The following B3GALT1 variants were observed in gnomAD, a reference collection of about 807,000 sequenced individuals.
B3GALT1 encodes the protein beta-1,3-galactosyltransferase 1.
Under a neutral mutation model 23.2 loss-of-function variants are expected in B3GALT1, and 10 were observed. The observed-to-expected ratio is 0.43, with a 90% CI of 0.27 to 0.73. B3GALT1 has a LOEUF of 0.73. Among genes scored for constraint, B3GALT1 ranks in the 30% least tolerant of loss-of-function variants. The pLI is 0.21. For missense variants in B3GALT1, 299 were observed against 405.4 expected (o/e 0.74, Z 2.25); for synonymous variants, 156 against 141.5 (o/e 1.10, Z -0.73).
At chr2:167,575,860 T>C (rs1227766021) in intron 2 of B3GALT1, among the ~76,000 whole-genome samples, 1 of 151,758 alleles carries the variant, frequency 6.6e-6, no homozygotes, top group Non-Finnish European at 1.5e-5. Context: ...CTTCCCCAAA[T>C]GTTTTCAAAA....
At chr2:167,418,720 C>T (rs1237305034) in intron 1 of B3GALT1, among the ~76,000 whole-genome samples, 3 of 150,494 alleles carry the variant, frequency 2.0e-5, no homozygotes, top group African/African-American at 7.3e-5. Context: ...TCTTGTCGCC[C>T]AGGCTGGGGT....
intron 1 of B3GALT1, among the ~76,000 whole-genome samples, chr2:167,469,178 G>A (rs1699389254): frequency 6.6e-6 from 1 of 152,164 alleles, no homozygotes; most frequent in Admixed American, 6.5e-5. Context: ...TGGTGTGGTG[G>A]TTAAAATTAT....
At chr2:167,681,576 A>G (rs1461272518) in intron 3 of B3GALT1, among the ~76,000 whole-genome samples, 3 of 152,208 alleles carry the variant, frequency 2.0e-5, no homozygotes, top group Non-Finnish European at 4.4e-5. Flanking sequence ...TAGCAAGAAG[A>G]CAACTGATTT....
At chr2:167,482,696 C>T (rs369373433) in intron 1 of B3GALT1, among the ~76,000 whole-genome samples, 5 of 152,074 alleles carry the variant, frequency 3.3e-5, no homozygotes, top group African/African-American at 4.8e-5. Context: ...AAAAATTAGC[C>T]GGGCATGGTG....
intron 2 of B3GALT1, among the ~76,000 whole-genome samples, chr2:167,639,243 T>A (rs1329715810): frequency 2.6e-5 from 4 of 152,028 alleles, no homozygotes; most frequent in Non-Finnish European, 5.9e-5. Context: ...GTGTAAGCTA[T>A]GATGGATCAT....
intron 2 of B3GALT1, among the ~76,000 whole-genome samples, chr2:167,523,512 G>A (rs557380345): frequency 2.0e-5 from 3 of 150,976 alleles, no homozygotes; most frequent in Admixed American, 6.6e-5. Context: ...TGCAACTTCC[G>A]CGTCCCACGT....
intron 4 of B3GALT1, among the ~76,000 whole-genome samples, chr2:167,827,826 C>T (rs1409238729): frequency 6.6e-6 from 1 of 152,142 alleles, no homozygotes; most frequent in Non-Finnish European, 1.5e-5. Context: ...TCCCAGTGTG[C>T]TTTTCTGGGA....
intron 1 of B3GALT1, among the ~76,000 whole-genome samples, chr2:167,452,323 A>T (rs1699104247): frequency 6.6e-6 from 1 of 152,040 alleles, no homozygotes; most frequent in Non-Finnish European, 1.5e-5. Flanking sequence ...CCTCTGTGGG[A>T]CAGTCAGAAA....
intron 3 of B3GALT1, among the ~76,000 whole-genome samples, chr2:167,718,962 ATAGG>A (rs1304860757): frequency 1.3e-5 from 2 of 152,178 alleles, no homozygotes; most frequent in Admixed American, 6.5e-5. Flanking sequence ...AATGCTGTTA[ATAGG>A]TAGATAGGAA....
intron 3 of B3GALT1, among the ~76,000 whole-genome samples, chr2:167,757,922 C>T (rs1236465087): frequency 6.6e-6 from 1 of 152,146 alleles, no homozygotes; most frequent in East Asian, 1.9e-4. Flanking sequence ...TGTTGTAACT[C>T]ATTTGCTATT....
chr2:167,777,729 T>A (rs1688184339), intron 3 of B3GALT1, among the ~76,000 whole-genome samples: 1 of 152,238 alleles, frequency 6.6e-6, no homozygotes. Flanking sequence ...GTTTCTCAAT[T>A]ACAACGTGAC....
Position 167,384,197 on chromosome 2 carries a change from T to C in B3GALT1, c.-511+90863T>C, listed in dbSNP as rs148722524. ...ATGTATTAGAAGAGTTTGAAAACTA[T>C]ATTTAAATACCACACAGTGTTAGCT... is the stretch of plus-strand genomic sequence containing the variant. On this transcript the variant is annotated intron_variant, in intron 1 of 4. Transcript: ENST00000392690. Among the ~76,000 whole-genome samples the C allele has an allele frequency of 1.2e-3, 176 of 152,300 alleles. 1 individual carries two copies. In the East Asian group the frequency reaches 0.018, roughly 16 times the overall value.
chr2:167,294,464 T>G (rs1208912473), intron 1 of B3GALT1, among the ~76,000 whole-genome samples: 1 of 152,258 alleles, frequency 6.6e-6, no homozygotes, highest in East Asian at 1.9e-4. Flanking sequence ...TTTGCGCTGC[T>G]GCAAATGGAT....
intron 1 of B3GALT1, among the ~76,000 whole-genome samples, chr2:167,380,323 G>A (rs1466701654): frequency 1.3e-5 from 2 of 152,182 alleles, no homozygotes; most frequent in Admixed American, 1.3e-4. Context: ...GTCACCCAGC[G>A]ATGGCACAGG....
chr2:167,562,131 G>A lies in B3GALT1; in HGVS notation c.-410+71854G>A, dbSNP rs1357134737. Among the ~76,000 whole-genome samples the A allele has an allele frequency of 2.6e-5, 4 of 152,274 alleles. No homozygotes were observed. The East Asian group carries it at 7.7e-4, about 29-fold the overall frequency. ...CCATGATCAAGTGGGCTTCATCCCTGGGATGCAAGGCTGGTTCAATATATG... is the reference window on the plus strand; with the variant it reads ...CCATGATCAAGTGGGCTTCATCCCTAGGATGCAAGGCTGGTTCAATATATG... On this transcript the variant is annotated intron_variant, in intron 2 of 4. Coordinates refer to ENST00000392690, the MANE Select transcript of B3GALT1 (RefSeq NM_020981.4).
At chr2:167,560,084 C>G (rs1683942794) in intron 2 of B3GALT1, among the ~76,000 whole-genome samples, 1 of 152,080 alleles carries the variant, frequency 6.6e-6, no homozygotes, top group African/African-American at 2.4e-5. Context: ...AAAGGGAAGC[C>G]CATCAGACTA....
intron 3 of B3GALT1, among the ~76,000 whole-genome samples, chr2:167,802,934 G>A (rs1688665515): frequency 6.6e-6 from 1 of 151,802 alleles, no homozygotes; most frequent in African/African-American, 2.4e-5. Flanking sequence ...TTATCACAAA[G>A]GTATATATTC....
At chr2:167,652,250 G>A (rs1685882168) in intron 3 of B3GALT1, among the ~76,000 whole-genome samples, 1 of 152,142 alleles carries the variant, frequency 6.6e-6, no homozygotes, top group African/African-American at 2.4e-5. Flanking sequence ...GAAAAGAGTG[G>A]TCCTAGCTAA....
At chr2:167,476,259 A>G (rs898099624) in intron 1 of B3GALT1, among the ~76,000 whole-genome samples, 3 of 152,218 alleles carry the variant, frequency 2.0e-5, no homozygotes, top group African/African-American at 4.8e-5. Flanking sequence ...AGTGCTTAGC[A>G]TTCAAAAAAG....
Sources: allele counts gnomAD v4.1 joint callset (sites outside exome capture counted in the v4.1 genomes callset), GRCh38; gene constraint gnomAD v4.1.1; transcripts MANE v1.5; gene names NCBI Gene and HGNC (gene_info 2026-07-23, HGNC 2026-07-21).